The following HIP1 variants were observed in gnomAD, a reference collection of about 807,000 sequenced individuals.
HIP1 encodes huntingtin interacting protein 1, also known as huntingtin-interacting protein 1.
HIP1 carries 65 observed loss-of-function variants against 147.6 expected under a neutral mutation model. The ratio of observed to expected loss-of-function variants is 0.44; its 90% CI spans 0.36 to 0.54. The LOEUF (loss-of-function observed/expected upper bound fraction) is 0.54. Ranked by LOEUF, HIP1 falls within the 20% of genes least tolerant of loss-of-function variation. The pLI is 0.00. For missense variants in HIP1, 1,061 were observed against 1,299.6 expected, an observed-to-expected ratio of 0.82 and a Z score of 2.82; for synonymous variants, 479 against 504.0, an observed-to-expected ratio of 0.95 and a Z score of 0.67.
intron 6 of HIP1, 146 bp from the exon 7 acceptor site, chr7:75,581,444 C>A (rs1208658263): frequency 1.2e-5 from 8 of 652,690 alleles, no homozygotes; most frequent in Non-Finnish European, 1.9e-5. Context: ...CAAGTCTTAG[C>A]CTTGTGGGTA....
intron 1 of HIP1, among the ~76,000 whole-genome samples, chr7:75,699,215 G>A (rs950838163): frequency 6.6e-6 from 1 of 151,976 alleles, no homozygotes; most frequent in Non-Finnish European, 1.5e-5. Flanking sequence ...AAGTAACTAG[G>A]ACTATAGGCG....
intron 30 of HIP1, among the ~76,000 whole-genome samples, chr7:75,538,635 C>A (rs1028492030): frequency 1.4e-5 from 2 of 142,604 alleles, no homozygotes; most frequent in South Asian, 4.4e-4. Flanking sequence ...AGTGCAGTGG[C>A]GCGATCTCGG....
At chr7:75,543,493 A>G (rs1340658952) in intron 27 of HIP1, among the ~76,000 whole-genome samples, 4 of 152,090 alleles carry the variant, frequency 2.6e-5, no homozygotes, top group Admixed American at 6.6e-5. Context: ...CTGGGATTAC[A>G]AGTGCCCGCC....
rs1056084862 is a variant in HIP1, at chr7:75,656,384, T to A, written c.121-57137A>T. On this transcript the variant is annotated intron_variant, in intron 1 of 30. Coordinates refer to ENST00000336926, the MANE Select transcript of HIP1 (RefSeq NM_005338.7). ...AAGTTCTCACTCTGGGGGAGAAACA[T>A]CCTAGCTTGCGTAAGGAGCCAAAGG... Among the ~76,000 whole-genome samples the A allele has an allele frequency of 2.1e-5, 3 of 146,320 alleles. No homozygotes were observed. The South Asian group carries it at 6.4e-4, about 31-fold the overall frequency.
rs1385597739 is a variant in HIP1, at chr7:75,592,352, C to A, written c.327+20G>T. 6 of 1,595,284 alleles carry A rather than the reference C, an allele frequency of 3.8e-6. No individual in the cohort carries two copies. The African/African-American group carries it at 8.1e-5, about 22-fold the overall frequency. On this transcript the variant is annotated intron_variant, in intron 3 of 30. Coordinates refer to ENST00000336926, the MANE Select transcript of HIP1 (RefSeq NM_005338.7). ...CAAGGATCCCTGGCTCCCTGCCACCCCATAGCCCCAGGAACTCACGTTCGG... is the reference window on the plus strand; with the variant it reads ...CAAGGATCCCTGGCTCCCTGCCACCACATAGCCCCAGGAACTCACGTTCGG...
chr7:75,669,487 G>A lies in HIP1; in HGVS notation c.120+69314C>T, dbSNP rs551407035. Among the ~76,000 whole-genome samples the A allele has an allele frequency of 1.1e-3, 172 of 152,216 alleles. 1 individual carries two copies. Among genetic ancestry groups the A allele is most frequent in the African/African-American group, 3.9e-3 (161 of 41,538 alleles). ...TAAGGCACAAGAATCACTTGAACCCGGGAGGCAGAGGTTGCAGTCAGCCAA... is the reference window on the plus strand; with the variant it reads ...TAAGGCACAAGAATCACTTGAACCCAGGAGGCAGAGGTTGCAGTCAGCCAA... On this transcript the variant is annotated intron_variant, in intron 1 of 30. Transcript: ENST00000336926.
Position 75,693,805 on chromosome 7 carries a change from G to A in HIP1, c.120+44996C>T, listed in dbSNP as rs184565518. Among the ~76,000 whole-genome samples the A allele has an allele frequency of 2.5e-3, 380 of 151,916 alleles. 3 individuals are homozygous for A. The highest frequency in any genetic ancestry group is 8.7e-3 in the African/African-American group (359 of 41,434). ...GGAGGGAGGGAGGGGGAGAGAAAGAGAGAGAGAAAGAAAGAAAATAAATCA... is the reference window on the plus strand; with the variant it reads ...GGAGGGAGGGAGGGGGAGAGAAAGAAAGAGAGAAAGAAAGAAAATAAATCA... On this transcript the variant is annotated intron_variant, in intron 1 of 30. Coordinates refer to ENST00000336926, the MANE Select transcript of HIP1 (RefSeq NM_005338.7).
chr7:75,593,850 A>G lies in HIP1; in HGVS notation c.185-1336T>C, dbSNP rs1796588022. On this transcript the variant is annotated intron_variant, in intron 2 of 30. Coordinates refer to ENST00000336926, the MANE Select transcript of HIP1 (RefSeq NM_005338.7). ...AACACCCCACTTCTTCCGTAAACCC[A>G]CCTGGCCCTGTTCAGGGGCACCTTC... 5.3e-5 allele frequency among the ~76,000 whole-genome samples: 8 copies of G among 151,698 alleles called. No individual in the cohort carries two copies. In the South Asian group the frequency reaches 1.7e-3, roughly 32 times the overall value.
intron 8 of HIP1, among the ~76,000 whole-genome samples, chr7:75,569,148 C>T (rs1030933528): frequency 3.9e-5 from 6 of 152,190 alleles, no homozygotes; most frequent in African/African-American, 1.4e-4. Context: ...GGTTCTGTAA[C>T]CTCTCAGATG....
At chr7:75,571,265 A>G (rs1222888088) in intron 8 of HIP1, among the ~76,000 whole-genome samples, 1 of 152,126 alleles carries the variant, frequency 6.6e-6, no homozygotes, top group African/African-American at 2.4e-5. Context: ...GTGATGTTCT[A>G]CTGAGCAACA....
chr7:75,539,089 G>A (rs587615880), intron 30 of HIP1, among the ~76,000 whole-genome samples: 2 of 152,324 alleles, frequency 1.3e-5, no homozygotes, highest in Admixed American at 6.5e-5. Flanking sequence ...TATGATCAAT[G>A]TTTAGGTCTT....
chr7:75,622,893 C>CTATCTATA (rs1554507404), intron 1 of HIP1, among the ~76,000 whole-genome samples: 5 of 122,082 alleles, frequency 4.1e-5, no homozygotes, highest in African/African-American at 1.7e-4. Context: ...ATCTATCTAT[C>CTATCTATA]TATATATTTT....
chr7:75,614,107 G>A (rs991013559), intron 1 of HIP1, among the ~76,000 whole-genome samples: 3 of 152,124 alleles, frequency 2.0e-5, no homozygotes, highest in Non-Finnish European at 2.9e-5. Flanking sequence ...GTAGAAATGG[G>A]GTTCACTGTG....
chr7:75,668,407 C>T (rs1455201141), intron 1 of HIP1, among the ~76,000 whole-genome samples: 2 of 152,194 alleles, frequency 1.3e-5, no homozygotes, highest in African/African-American at 2.4e-5. Context: ...TCACTGCAAC[C>T]TCTGCCTCCC....
chr7:75,719,280 G>A (rs13243519), intron 1 of HIP1, among the ~76,000 whole-genome samples: 248 of 152,148 alleles, frequency 1.6e-3, no homozygotes, highest in Middle Eastern at 6.8e-3. Flanking sequence ...CAAGGCGGGC[G>A]GATCATGAGG....
At position 75,592,514 on chromosome 7, in the gene HIP1, G is replaced by T; in HGVS notation, c.185C>A (p.Thr62Lys). 1 of 1,608,838 alleles carries T rather than the reference G, an allele frequency of 6.2e-7. No individual in the cohort carries two copies. Among genetic ancestry groups the T allele is most frequent in the South Asian group, 1.1e-5 (1 of 90,860 alleles). Residue 62 changes from threonine (T) to lysine (K), a missense_variant and splice_region_variant, in exon 3 of 31, where the codon ACG becomes AAG. Transcript: ENST00000336926. ...CTCATGGTGGGTGCCCAGTATGCAC[G>T]GTGAGGGGGGGTTATGGAAAACAAC... The part of the protein sequence containing the change: ...EVAVKEKHAR[T>K]CILGTHHEKG...
chr7:75,706,270 C>A (rs999650223), intron 1 of HIP1, among the ~76,000 whole-genome samples: 1 of 152,104 alleles, frequency 6.6e-6, no homozygotes, highest in African/African-American at 2.4e-5. Context: ...ACCAACACTG[C>A]ACAAGAGTTC....
intron 25 of HIP1, among the ~76,000 whole-genome samples, chr7:75,545,668 AG>A (rs1347002827): frequency 6.7e-6 from 1 of 150,058 alleles, no homozygotes; most frequent in Non-Finnish European, 1.5e-5. Context: ...AACCCTGGCT[AG>A]GCGCGGTGGT....
Position 75,664,021 on chromosome 7 carries a change from T to C in HIP1, c.121-64774A>G, listed in dbSNP as rs1183422056. 1.7e-4 allele frequency among the ~76,000 whole-genome samples: 4 copies of C among 23,454 alleles called. 2 individuals are homozygous for C. Among genetic ancestry groups the C allele is most frequent in the African/African-American group, 8.3e-4 (2 of 2,418 alleles). 15.4% of individuals were successfully genotyped at this position (23,454 alleles called of 152,430 possible). ...ACATATATGTGTATATATATACACA[T>C]ATATGTGTATATATATACACATATA... On this transcript the variant is annotated intron_variant, in intron 1 of 30. Transcript: ENST00000336926.
Sources: gnomAD v4.1 joint callset for allele counts (sites outside exome capture counted in the v4.1 genomes callset) on GRCh38, gnomAD v4.1.1 for gene constraint, MANE v1.5 for transcripts, NCBI Gene and HGNC (gene_info 2026-07-23, HGNC 2026-07-21) for gene names.